Variants in MYO1E observed in about 807,000 individuals in gnomAD.
MYO1E encodes myosin IE, also known as unconventional myosin-Ie.
MYO1E carries 68 observed loss-of-function variants against 151.1 expected under a neutral mutation model. That is an observed-to-expected ratio of 0.45 (90% CI 0.37 to 0.55). The LOEUF is 0.55. Among genes scored for constraint, MYO1E ranks in the 20% least tolerant of loss-of-function variants. MYO1E has a pLI of 0.00. For synonymous variants in MYO1E, 601 were observed against 501.7 expected (o/e 1.20, Z -2.64); for missense variants, 1,363 against 1,389.3 (o/e 0.98, Z 0.30).
intron 3 of MYO1E, among the ~76,000 whole-genome samples, chr15:59,259,712 C>T (rs1254415672): frequency 6.6e-6 from 1 of 152,228 alleles, no homozygotes; most frequent in Non-Finnish European, 1.5e-5. Context: ...AACTGTCATA[C>T]TTGACCTTTG....
In MYO1E at chr15:59,366,497, G is replaced by A. The variant is rs140261493; in HGVS notation, c.3+6001C>T. Among the ~76,000 whole-genome samples the A allele has an allele frequency of 7.2e-3, 1,093 of 151,714 alleles. 7 individuals are homozygous for A. The highest frequency in any genetic ancestry group is 0.012 in the South Asian group (58 of 4,794). On this transcript the variant is annotated intron_variant, in intron 1 of 27. Coordinates refer to ENST00000288235, the MANE Select transcript of MYO1E (RefSeq NM_004998.4). ...GGTAAAGGCCTGAACGACCACACCCGGCAAAAAAATAGGTTTTATTACATA... is the reference window on the plus strand; with the variant it reads ...GGTAAAGGCCTGAACGACCACACCCAGCAAAAAAATAGGTTTTATTACATA...
At chr15:59,162,659 G>GAAAAAAAAAA (rs56116339) in intron 23 of MYO1E, among the ~76,000 whole-genome samples, 35 of 120,884 alleles carry the variant, frequency 2.9e-4, no homozygotes, top group Non-Finnish European at 4.5e-4. Flanking sequence ...AAAAAAAAAA[G>GAAAAAAAAAA]AAAAAAAAAA....
chr15:59,204,720 T>G (rs2140335642), intron 15 of MYO1E, among the ~76,000 whole-genome samples: 1 of 152,318 alleles, frequency 6.6e-6, no homozygotes, highest in Non-Finnish European at 1.5e-5. Context: ...TCACTCCTTC[T>G]TTAGTTGTCC....
At chr15:59,145,705 C>G (rs1728771320) in intron 26 of MYO1E, among the ~76,000 whole-genome samples, 1 of 152,180 alleles carries the variant, frequency 6.6e-6, no homozygotes, top group Non-Finnish European at 1.5e-5. Flanking sequence ...TTATTTTCCT[C>G]TATCTATGCA....
intron 14 of MYO1E, chr15:59,207,111 T>A: frequency 6.2e-7 from 1 of 1,614,204 alleles, no homozygotes; most frequent in Non-Finnish European, 8.5e-7. Flanking sequence ...AGAGTGAGCT[T>A]ATTGAGCGTT....
chr15:59,246,121 CTTT>C (rs1354126043), intron 4 of MYO1E, among the ~76,000 whole-genome samples: 1 of 151,854 alleles, frequency 6.6e-6, no homozygotes, highest in African/African-American at 2.4e-5. Context: ...AATTTTTAAT[CTTT>C]TTTTATTTTT....
chr15:59,217,588 T>A (rs992395320), intron 10 of MYO1E, among the ~76,000 whole-genome samples: 1 of 132,560 alleles, frequency 7.5e-6, no homozygotes, highest in Non-Finnish European at 1.5e-5. Context: ...TGCAGTGGCG[T>A]AATCTCGGCT....
intron 7 of MYO1E, among the ~76,000 whole-genome samples, chr15:59,225,417 G>C (rs1427029997): frequency 6.6e-6 from 1 of 152,076 alleles, no homozygotes; most frequent in African/African-American, 2.4e-5. Flanking sequence ...TTTTGCCCAA[G>C]AGCTCTGACC....
intron 22 of MYO1E, among the ~76,000 whole-genome samples, chr15:59,169,833 A>C (rs1260822192): frequency 1.3e-5 from 2 of 152,096 alleles, no homozygotes; most frequent in Non-Finnish European, 2.9e-5. Flanking sequence ...AGGACTTATC[A>C]ATAAGATAGT....
rs548679189 is a variant in MYO1E at position 59,148,420 on chromosome 15, G to A, written c.3080+5170C>T. Among the ~76,000 whole-genome samples the A allele has an allele frequency of 2.4e-3, 365 of 152,276 alleles. 1 individual carries two copies. Among genetic ancestry groups the A allele is most frequent in the Non-Finnish European group, 3.7e-3 (250 of 68,010 alleles). On this transcript the variant is annotated intron_variant, in intron 26 of 27. Coordinates refer to ENST00000288235, the MANE Select transcript of MYO1E (RefSeq NM_004998.4). ...TCGGGGGAGCTAGGATTAAGCTTTC[G>A]AATATCACCTCTTTGTTCTGCAGAT...
Position 59,205,432 on chromosome 15 carries a change from C to A in MYO1E, c.1584G>T (p.Met528Ile). Residue 528 changes from methionine to isoleucine, a missense_variant, in exon 15 of 28, where the codon ATG (methionine) becomes ATT (isoleucine). Transcript: ENST00000288235. The stretch of plus-strand genomic sequence containing the variant: ...TGCTCTGCATAAGCTCGATGAGATC[C>A]ATAAAAAGCACATCCCGGTTCCTTT... ...FCERNRDVLF[M>I]DLIELMQSSE... 1 of 1,614,166 alleles carries A rather than the reference C, an allele frequency of 6.2e-7. No individual in the cohort carries two copies. Among genetic ancestry groups the A allele is most frequent in the Non-Finnish European group, 8.5e-7 (1 of 1,180,030 alleles).
At chr15:59,363,998 G>A (rs779587808) in intron 1 of MYO1E, among the ~76,000 whole-genome samples, 4 of 152,022 alleles carry the variant, frequency 2.6e-5, no homozygotes, top group Admixed American at 6.6e-5. Flanking sequence ...GGCTGGTCTC[G>A]AACTCCTGAC....
chr15:59,206,896 G>T, intron 14 of MYO1E: 1 of 1,573,604 alleles, frequency 6.4e-7, no homozygotes, highest in Middle Eastern at 1.7e-4. Flanking sequence ...GTTCGGATCA[G>T]CAGCTTTTTT....
At chr15:59,236,787 A>T in intron 4 of MYO1E, 115 bp from the exon 5 acceptor site, 4 of 1,030,006 alleles carry the variant, frequency 3.9e-6, no homozygotes, top group Non-Finnish European at 4.5e-6. Context: ...AAAAACAGGC[A>T]GAAAAGAATT....
intron 1 of MYO1E, among the ~76,000 whole-genome samples, chr15:59,358,251 AGAGGAGGAT>A (rs1249734742): frequency 6.6e-6 from 1 of 151,886 alleles, no homozygotes; most frequent in Admixed American, 6.6e-5. Flanking sequence ...AGAAAGAGGA[AGAGGAGGAT>A]GAGGAGGAAG....
chr15:59,279,114 T>A (rs938415577), intron 1 of MYO1E, among the ~76,000 whole-genome samples: 1 of 152,144 alleles, frequency 6.6e-6, no homozygotes, highest in Non-Finnish European at 1.5e-5. Flanking sequence ...ATACACGTGG[T>A]CTCCTTTCAT....
intron 17 of MYO1E, among the ~76,000 whole-genome samples, chr15:59,192,457 C>A (rs1158941402): frequency 6.6e-6 from 1 of 152,170 alleles, no homozygotes; most frequent in East Asian, 1.9e-4. Flanking sequence ...AACTTCCAAG[C>A]AGCTATTGCA....
intron 4 of MYO1E, among the ~76,000 whole-genome samples, chr15:59,240,662 C>T (rs35781668): frequency 0.018 from 2,674 of 152,212 alleles, 31 homozygotes; most frequent in Non-Finnish European, 0.03. Flanking sequence ...CACTGTTGGA[C>T]GACTCACCAA....
chr15:59,226,268 A>G (rs1351175314), intron 7 of MYO1E, among the ~76,000 whole-genome samples: 1 of 152,206 alleles, frequency 6.6e-6, no homozygotes, highest in Non-Finnish European at 1.5e-5. Flanking sequence ...ATTGCCTAAG[A>G]TGTGTGTGTA....
Sources: gnomAD v4.1 joint callset for allele counts (sites outside exome capture counted in the v4.1 genomes callset) on GRCh38, gnomAD v4.1.1 for gene constraint, MANE v1.5 for transcripts, NCBI Gene and HGNC (gene_info 2026-07-23, HGNC 2026-07-21) for gene names.